The following RFX4 variants were observed in gnomAD, a reference collection of about 807,000 sequenced individuals.
The protein encoded by RFX4 is regulatory factor X4.
In RFX4, 10 loss-of-function variants were observed where a neutral mutation model predicts 95.0. That is an observed-to-expected ratio of 0.11 (90% CI 0.06 to 0.18). The LOEUF (loss-of-function observed/expected upper bound fraction) is 0.18, where lower values mean the gene tolerates loss of function less well. Ranked by LOEUF, RFX4 falls within the 10% of genes least tolerant of loss-of-function variation. The pLI, the probability that RFX4 is intolerant of heterozygous loss-of-function variation, is 1.00. For synonymous variants in RFX4, 321 were observed against 340.7 expected (o/e 0.94, Z 0.64); for missense variants, 640 against 922.0 (o/e 0.69, Z 3.96).
intron 1 of RFX4, among the ~76,000 whole-genome samples, chr12:106,604,369 G>T (rs562401931): frequency 5.3e-5 from 8 of 151,840 alleles, no homozygotes; most frequent in Non-Finnish European, 1.2e-4. Context: ...TGATCAGCCC[G>T]CCTCAGCCTC....
chr12:106,709,169 A>G (rs1338641769), intron 8 of RFX4, among the ~76,000 whole-genome samples, 161 bp from the exon 9 acceptor site: 1 of 152,196 alleles, frequency 6.6e-6, no homozygotes, highest in African/African-American at 2.4e-5. Flanking sequence ...CCGGCTCTCC[A>G]CAGGGCTTGG....
At chr12:106,659,640 C>T (rs1310237072) in intron 4 of RFX4, among the ~76,000 whole-genome samples, 3 of 152,146 alleles carry the variant, frequency 2.0e-5, no homozygotes, top group Non-Finnish European at 2.9e-5. Flanking sequence ...ATATATCAAC[C>T]GTGTCTAGTC....
intron 15 of RFX4, among the ~76,000 whole-genome samples, chr12:106,735,329 AG>A (rs1408721775): frequency 3.3e-5 from 5 of 152,168 alleles, no homozygotes; most frequent in African/African-American, 1.2e-4. Flanking sequence ...TCATTTAATA[AG>A]TGTTCCAGAG....
chr12:106,708,743 G>T (rs1159173356), intron 8 of RFX4, among the ~76,000 whole-genome samples: 1 of 152,192 alleles, frequency 6.6e-6, no homozygotes, highest in Admixed American at 6.5e-5. Context: ...CCATCTTATT[G>T]CAACCTACTG....
At chr12:106,755,624 C>G (rs1302924284) in intron 17 of RFX4, among the ~76,000 whole-genome samples, 1 of 152,146 alleles carries the variant, frequency 6.6e-6, no homozygotes, top group East Asian at 1.9e-4. Flanking sequence ...AGCACACACC[C>G]CAAGATAACC....
At chr12:106,733,203 G>A in intron 15 of RFX4, 118 bp downstream of exon 15, 1 of 1,127,074 alleles carries the variant, frequency 8.9e-7, no homozygotes, top group South Asian at 1.4e-5. Context: ...AGACATCTTG[G>A]CTCACACCTG....
intron 8 of RFX4, among the ~76,000 whole-genome samples, chr12:106,707,907 T>C (rs10161520): frequency 0.38 from 57,748 of 151,934 alleles, 11,137 homozygotes; most frequent in African/African-American, 0.44. Flanking sequence ...CCAAGGCGGG[T>C]GGATCACTTG....
At chr12:106,743,632 A>G (rs1416399440) in intron 15 of RFX4, among the ~76,000 whole-genome samples, 4 of 152,220 alleles carry the variant, frequency 2.6e-5, no homozygotes, top group Non-Finnish European at 5.9e-5. Context: ...CTGAACACCT[A>G]CTATTTGGCA....
intron 3 of RFX4, among the ~76,000 whole-genome samples, chr12:106,641,111 A>G (rs1388125262): frequency 6.6e-6 from 1 of 152,164 alleles, no homozygotes; most frequent in African/African-American, 2.4e-5. Context: ...TAACCTGAAC[A>G]TGTCATATGT....
intron 2 of RFX4, among the ~76,000 whole-genome samples, chr12:106,610,815 T>C (rs903154583): frequency 6.6e-6 from 1 of 152,320 alleles, no homozygotes; most frequent in Admixed American, 6.5e-5. Context: ...TCCTAATTCT[T>C]TTGGCGGTAT....
chr12:106,608,767 T>C, intron 1 of RFX4, 30 bp from the exon 2 acceptor site: 9 of 1,551,946 alleles, frequency 5.8e-6, no homozygotes, highest in Non-Finnish European at 7.8e-6. Flanking sequence ...CTTTTTCTTT[T>C]CTTTCTTTCT....
intron 17 of RFX4, 112 bp downstream of exon 17, chr12:106,750,905 C>T (rs1253284854): frequency 1.1e-6 from 1 of 943,076 alleles, no homozygotes; most frequent in Admixed American, 3.2e-5. Context: ...TGTGTGTCCC[C>T]AAGGAGAGGA....
At chr12:106,693,403 C>T (rs954884664) in intron 7 of RFX4, among the ~76,000 whole-genome samples, 2 of 152,190 alleles carry the variant, frequency 1.3e-5, no homozygotes, top group African/African-American at 4.8e-5. Flanking sequence ...ATCCACACAA[C>T]AGCTGATCTT....
chr12:106,700,808 C>T (rs2041975376), intron 8 of RFX4, among the ~76,000 whole-genome samples: 1 of 152,172 alleles, frequency 6.6e-6, no homozygotes, highest in South Asian at 2.1e-4. Flanking sequence ...TTTGTCCTCC[C>T]ATTTTTATGC....
chr12:106,624,694 G>A (rs2040255621), intron 2 of RFX4, among the ~76,000 whole-genome samples: 1 of 152,052 alleles, frequency 6.6e-6, no homozygotes, highest in Admixed American at 6.5e-5. Flanking sequence ...AAAAGGAATA[G>A]ACCATATGTG....
At chr12:106,688,064 CTTTTTT>C (rs754808212) in intron 6 of RFX4, among the ~76,000 whole-genome samples, 1 of 96,250 alleles carries the variant, frequency 1.0e-5, no homozygotes. Flanking sequence ...TATCACATTT[CTTTTTT>C]TTTTTTTTTT....
intron 11 of RFX4, among the ~76,000 whole-genome samples, chr12:106,719,048 G>C (rs2042348085): frequency 6.6e-6 from 1 of 152,144 alleles, no homozygotes; most frequent in African/African-American, 2.4e-5. Flanking sequence ...CGTGAACCTG[G>C]GAGGTGGAGC....
chr12:106,751,025 T>C (rs1224816602), intron 17 of RFX4, among the ~76,000 whole-genome samples: 11 of 151,436 alleles, frequency 7.3e-5, no homozygotes, highest in South Asian at 2.1e-4. Context: ...CATGCTGGTG[T>C]GCTGCACCCA....
At chr12:106,693,738 A>T (rs1054828641) in intron 7 of RFX4, among the ~76,000 whole-genome samples, 2 of 152,176 alleles carry the variant, frequency 1.3e-5, no homozygotes, top group Non-Finnish European at 2.9e-5. Flanking sequence ...AAAAGTCTTG[A>T]TAGGTGAGCG....
Sources: allele counts gnomAD v4.1 joint callset (sites outside exome capture counted in the v4.1 genomes callset), GRCh38; gene constraint gnomAD v4.1.1; transcripts MANE v1.5; gene names NCBI Gene and HGNC (gene_info 2026-07-23, HGNC 2026-07-21).